Variants in AHNAK2 observed in about 807,000 individuals in gnomAD.
The protein encoded by AHNAK2 is protein AHNAK2.
A neutral mutation model predicts 30.7 loss-of-function variants in AHNAK2; 18 were observed. The observed-to-expected ratio is 0.59, with a 90% confidence interval of 0.41 to 0.87. AHNAK2 has a LOEUF of 0.87. Among genes scored for constraint, AHNAK2 ranks in the 40% least tolerant of loss-of-function variants. AHNAK2 has a pLI of 0.00. For synonymous variants in AHNAK2, 3,590 were observed against 3,073.8 expected, an observed-to-expected ratio of 1.17 and a Z score of -5.56; for missense variants, 8,604 against 7,373.0, an observed-to-expected ratio of 1.17 and a Z score of -6.11.
chr14:104,947,795 T>C lies in AHNAK2; in HGVS notation c.7656A>G (p.Pro2552=), dbSNP rs748149539. ...CGGCTCCCTCCGGCACAGGGCCCTC[T>C]GGGAGTTTCACGTCCACTTGGCCAG... ...VQAGQVDVKL[P]EGPVPEGAGL... The change falls in exon 7 of 7, where the codon CCA becomes CCG. Residue 2552 remains proline (P), a synonymous_variant. Transcript: ENST00000333244. 73 of 1,612,234 alleles carry C rather than the reference T, an allele frequency of 4.5e-5. No individual in the cohort carries two copies. The Middle Eastern group carries it at 9.9e-4, about 22-fold the overall frequency.
Position 104,946,622 on chromosome 14 carries a change from G to A in AHNAK2, c.8829C>T (p.Ser2943=), listed in dbSNP as rs756467850. 1.2e-5 allele frequency: 19 copies of A among 1,612,598 alleles called. No homozygotes were observed. Among genetic ancestry groups the A allele is most frequent in the Admixed American group, 3.3e-5 (2 of 59,890 alleles). ...TAPDVEVSLP[S]VEVDVEAPRA... The stretch of plus-strand genomic sequence containing the variant: ...TCGGGGCCTCGACGTCCACCTCCAC[G>A]CTGGGCAGAGACACCTCCACGTCGG... Residue 2943 remains serine, a synonymous_variant, in exon 7 of 7, where the codon AGC becomes AGT. Coordinates refer to ENST00000333244, the MANE Select transcript of AHNAK2 (RefSeq NM_138420.4).
Position 104,955,550 on chromosome 14 carries a change from G to A in AHNAK2, c.399C>T (p.Asp133=), listed in dbSNP as rs781409230. ...GCACTTGCTTGACGAAGATCCCCTG[G>A]TCCCCACCACCTGTGACACTGTAGC... is the stretch of plus-strand genomic sequence containing the variant. ...ASGYSVTGGG[D]QGIFVKQVLK... The change falls in exon 5 of 7, where the codon GAC becomes GAT. Residue 133 remains aspartate, a synonymous_variant. Coordinates refer to ENST00000333244, the MANE Select transcript of AHNAK2 (RefSeq NM_138420.4). 1 of 1,613,638 alleles carries A rather than the reference G, an allele frequency of 6.2e-7. No homozygotes were observed. Among genetic ancestry groups the A allele is most frequent in the Non-Finnish European group, 8.5e-7 (1 of 1,179,810 alleles).
intron 1 of AHNAK2, 114 bp from the exon 2 acceptor site, chr14:104,957,786 G>A: frequency 8.9e-7 from 1 of 1,121,094 alleles, no homozygotes; most frequent in Non-Finnish European, 1.3e-6. Flanking sequence ...TCCTTTCCTG[G>A]ACACTGGATC....
Position 104,953,029 on chromosome 14 carries a change from C to T in AHNAK2, c.2422G>A (p.Ala808Thr), listed in dbSNP as rs780161734. 1.2e-6 allele frequency: 2 copies of T among 1,613,286 alleles called. No individual in the cohort carries two copies. The highest frequency in any genetic ancestry group is 1.7e-6 in the Non-Finnish European group (2 of 1,179,740). Residue 808 changes from alanine to threonine, a missense_variant, in exon 7 of 7, where the codon GCA becomes ACA. Ala to Thr is a moderately conservative substitution (Grantham distance 58, BLOSUM62 0). Transcript: ENST00000333244. ...SMEVDVQAPRAKLDGARLEGD... is the reference protein window; with the variant it reads ...SMEVDVQAPRTKLDGARLEGD... Reference sequence around the variant, plus strand: ...TCCAGCCGCGCACCATCCAGCTTTGCTCTCGGGGCCTGGACGTCCACCTCC... The same window carrying T: ...TCCAGCCGCGCACCATCCAGCTTTGTTCTCGGGGCCTGGACGTCCACCTCC...
At position 104,947,942 on chromosome 14, in the gene AHNAK2, CTCG is replaced by C. The variant is rs748680463; in HGVS notation, c.7506_7508del (p.Ile2502_Glu2503delinsMet). ...TCGGCGCAGACACATCCACCGAGGC[CTCG>C]ATGGACTTGCCTGGGGCAGACACCC... On this transcript the variant is annotated inframe_deletion, in exon 7 of 7. Coordinates refer to ENST00000333244, the MANE Select transcript of AHNAK2 (RefSeq NM_138420.4). 6.2e-7 allele frequency: 1 copy of C among 1,612,916 alleles called. No homozygotes were observed. The highest frequency in any genetic ancestry group is 1.1e-5 in the South Asian group (1 of 91,044).
In AHNAK2 at chr14:104,952,430, C is replaced by G. The variant is rs773417685; in HGVS notation, c.3021G>C (p.Ser1007=). The part of the protein sequence containing the change: ...KFKMPKFKMP[S]FGVSAPGKSI... ...ACTTCCCTGGGGCCGATACCCCGAA[C>G]GACGGCATCTTGAACTTGGGCATTT... Residue 1007 remains serine (S), a synonymous_variant, in exon 7 of 7, where the codon TCG becomes TCC. Coordinates refer to ENST00000333244, the MANE Select transcript of AHNAK2 (RefSeq NM_138420.4). 1 of 1,611,564 alleles carries G rather than the reference C, an allele frequency of 6.2e-7. No homozygotes were observed. The highest frequency in any genetic ancestry group is 8.5e-7 in the Non-Finnish European group (1 of 1,179,172).
intron 1 of AHNAK2, among the ~76,000 whole-genome samples, chr14:104,977,191 C>T (rs1271061114): frequency 6.6e-6 from 1 of 152,206 alleles, no homozygotes; most frequent in Non-Finnish European, 1.5e-5. Flanking sequence ...ACCTGTTTTC[C>T]CCAAGGAGTG....
intron 5 of AHNAK2, 93 bp from the exon 6 acceptor site, chr14:104,955,234 T>A: frequency 1.4e-6 from 2 of 1,427,940 alleles, no homozygotes; most frequent in Non-Finnish European, 1.9e-6. Flanking sequence ...CCCGGGGACA[T>A]GAATAGGGGG....
rs1443017461 is a variant in AHNAK2 at position 104,945,267 on chromosome 14, T to A, written c.10184A>T (p.Glu3395Val). Residue 3395 changes from glutamate (E) to valine (V), a missense_variant, in exon 7 of 7, where the codon GAG (glutamate) becomes GTG (valine). Coordinates refer to ENST00000333244, the MANE Select transcript of AHNAK2 (RefSeq NM_138420.4). ...AGLKGHLPKV[E>V]MPSFKMPKVD... ...TTTGGGCATCTTGAAACTGGGCATC[T>A]CCACCTTGGGCAGGTGCCCTTTGAG... is the stretch of plus-strand genomic sequence containing the variant. The A allele has an allele frequency of 6.2e-7, 1 of 1,612,842 alleles. No homozygotes were observed. The highest frequency in any genetic ancestry group is 1.7e-5 in the Admixed American group (1 of 59,950).
Position 104,943,930 on chromosome 14 carries a change from A to T in AHNAK2, c.11521T>A (p.Ser3841Thr). The change falls in exon 7 of 7, where the codon TCC becomes ACC. Residue 3841 changes from serine (S) to threonine (T), a missense_variant. Transcript: ENST00000333244. Reference sequence around the variant, plus strand: ...GTGGTCTTGAGGTCCCCCTGCATGGAGGGGAGACTCACATCGGCCTCCACC... The same window carrying T: ...GTGGTCTTGAGGTCCCCCTGCATGGTGGGGAGACTCACATCGGCCTCCACC... ...PKVEADVSLP[S>T]MQGDLKTTDL... The T allele has an allele frequency of 6.2e-7, 1 of 1,612,912 alleles. No individual in the cohort carries two copies.
chr14:104,948,834 A>C lies in AHNAK2; in HGVS notation c.6617T>G (p.Leu2206Arg). Residue 2206 changes from leucine to arginine, a missense_variant, in exon 7 of 7, where the codon CTT becomes CGT. Transcript: ENST00000333244. ...LKTTDLSIQP[L>R]SADVKVQAGQ... ...AGCCTGGACCTTCACGTCGGCGGAA[A>C]GGGGCTGAATGCTGAGGTCAGTGGT... The C allele has an allele frequency of 1.3e-6, 2 of 1,571,680 alleles. No individual in the cohort carries two copies. Among genetic ancestry groups the C allele is most frequent in the Non-Finnish European group, 1.7e-6 (2 of 1,164,600 alleles).
intron 1 of AHNAK2, among the ~76,000 whole-genome samples, chr14:104,962,791 G>A (rs934881679): frequency 1.3e-5 from 2 of 152,106 alleles, no homozygotes; most frequent in Non-Finnish European, 2.9e-5. Flanking sequence ...GAATGGTCCT[G>A]GAACAGCTGG....
rs1427652636 is a variant in AHNAK2 at position 104,952,626 on chromosome 14, T to C, written c.2825A>G (p.Lys942Arg). The C allele has an allele frequency of 2.5e-6, 4 of 1,612,350 alleles. No individual in the cohort carries two copies. The highest frequency in any genetic ancestry group is 2.7e-5 in the African/African-American group (2 of 74,166). The change falls in exon 7 of 7, where the codon AAG becomes AGG. Residue 942 changes from lysine to arginine, a missense_variant. Transcript: ENST00000333244. ...KGPQIDVKGPKLDLKGPKAEV... is the reference protein window; with the variant it reads ...KGPQIDVKGPRLDLKGPKAEV... ...CGCCTTGGGGCCTTTCAGGTCCAGC[T>C]TGGGGCCCTTAACATCTATCTGGGG...
intron 1 of AHNAK2, among the ~76,000 whole-genome samples, chr14:104,961,528 G>A (rs1002772536): frequency 6.8e-6 from 1 of 146,674 alleles, no homozygotes. Context: ...AAAAAAAAAA[G>A]TTGCTGTTGT....
At position 104,956,711 on chromosome 14, in the gene AHNAK2, GTT is replaced by G; in HGVS notation, c.214-24_214-23del. On this transcript the variant is annotated intron_variant, in intron 3 of 6. Transcript: ENST00000333244. ...CTTCCTGCAGCCACAAGTGTTGGGA[GTT>G]AGGCACCTGCCCCAGCTCAGGGACA... 3 of 1,611,086 alleles carry G rather than the reference GTT, an allele frequency of 1.9e-6. No homozygotes were observed. In the South Asian group the frequency reaches 3.3e-5, roughly 18 times the overall value.
intron 1 of AHNAK2, among the ~76,000 whole-genome samples, chr14:104,965,102 TTA>T (rs1165341850): frequency 6.6e-6 from 1 of 152,148 alleles, no homozygotes; most frequent in Non-Finnish European, 1.5e-5. Context: ...TTAGTGTAGT[TTA>T]TGTGTGACCC....
Position 104,945,492 on chromosome 14 carries a change from G to T in AHNAK2, c.9959C>A (p.Ala3320Glu). 1 of 1,611,346 alleles carries T rather than the reference G, an allele frequency of 6.2e-7. No individual in the cohort carries two copies. The highest frequency in any genetic ancestry group is 8.5e-7 in the Non-Finnish European group (1 of 1,179,088). ...CTGGATGGACTTGCCTGGGGCAGACGCCCTGTACGACGGCATCTTGAATTT... is the reference window on the plus strand; with the variant it reads ...CTGGATGGACTTGCCTGGGGCAGACTCCCTGTACGACGGCATCTTGAATTT... ...MPKFKMPSYR[A>E]SAPGKSIQAS... is the part of the protein sequence containing the mutation. Residue 3320 changes from alanine (A) to glutamate (E), a missense_variant, in exon 7 of 7, where the codon GCG (alanine) becomes GAG (glutamate). Physicochemically the swap from Ala to Glu is moderately radical, Grantham distance 107 (BLOSUM62 -1). Transcript: ENST00000333244.
chr14:104,955,159 A>T lies in AHNAK2; in HGVS notation c.467-18T>A, dbSNP rs199549433. The T allele has an allele frequency of 9.4e-6, 15 of 1,593,528 alleles. No individual in the cohort carries two copies. Among genetic ancestry groups the T allele is most frequent in the Admixed American group, 8.4e-5 (5 of 59,320 alleles). ...CTGATCCCCTAGACCAAGAAAGAGCAGCCCCAGGGCCGGGTGTGTGAATGA... is the reference window on the plus strand; with the variant it reads ...CTGATCCCCTAGACCAAGAAAGAGCTGCCCCAGGGCCGGGTGTGTGAATGA... On this transcript the variant is annotated intron_variant, in intron 5 of 6. Transcript: ENST00000333244.
chr14:104,956,652 C>G lies in AHNAK2; in HGVS notation c.251G>C (p.Arg84Pro). 8 of 1,613,876 alleles carry G rather than the reference C, an allele frequency of 5.0e-6. No homozygotes were observed. The highest frequency in any genetic ancestry group is 6.8e-6 in the Non-Finnish European group (8 of 1,179,872). Residue 84 changes from arginine (R) to proline (P), a missense_variant, in exon 4 of 7, where the codon CGG becomes CCG. Arg to Pro is a moderately radical substitution (Grantham distance 103). Coordinates refer to ENST00000333244, the MANE Select transcript of AHNAK2 (RefSeq NM_138420.4). ...APGRQGSAGR[R>P]RSWWKRDSGD... ...TGAATCTCGCTTCCACCAGGATCTC[C>G]GTCTCCCAGCAGAACCTTGCCTGCC...
Sources: allele counts gnomAD v4.1 joint callset (sites outside exome capture counted in the v4.1 genomes callset), GRCh38; gene constraint gnomAD v4.1.1; transcripts MANE v1.5; gene names NCBI Gene and HGNC (gene_info 2026-07-23, HGNC 2026-07-21).